GPR39: variants seen among roughly 807,000 people sequenced by gnomAD.
GPR39 encodes the protein G protein-coupled receptor 39.
A neutral mutation model predicts 18.4 loss-of-function variants in GPR39; 23 were observed. That is an observed-to-expected ratio of 1.25 (90% CI 0.90 to 1.77). GPR39 has a LOEUF of 1.77. Ranked by LOEUF, GPR39 falls within the 40% of genes most tolerant of loss-of-function variation. GPR39 has a pLI of 0.00. For synonymous variants in GPR39, 280 were observed against 257.9 expected (o/e 1.09, Z -0.82); for missense variants, 647 against 602.4 (o/e 1.07, Z -0.78).
At position 132,570,008 on chromosome 2, in the gene GPR39, T is replaced by C. The variant is rs115937525; in HGVS notation, c.857-75093T>C. On this transcript the variant is annotated intron_variant, in intron 1 of 1. Coordinates refer to ENST00000329321, the MANE Select transcript of GPR39 (RefSeq NM_001508.3). ...GTCTCGGGTTTGTCTTTAAGGGCAG[T>C]GGGAAAGCGGACTACGAAACCGACC... Among the ~76,000 whole-genome samples, 887 of 152,252 alleles carry C rather than the reference T, an allele frequency of 5.8e-3. 8 individuals are homozygous for C. Among genetic ancestry groups the C allele is most frequent in the African/African-American group, 0.02 (834 of 41,554 alleles).
At position 132,469,809 on chromosome 2, in the gene GPR39, G is replaced by A. The variant is rs188853602; in HGVS notation, c.856+51911G>A. Among the ~76,000 whole-genome samples the A allele has an allele frequency of 6.0e-4, 91 of 152,264 alleles. 1 individual carries two copies. The highest frequency in any genetic ancestry group is 2.1e-3 in the African/African-American group (88 of 41,546). On this transcript the variant is annotated intron_variant, in intron 1 of 1. Coordinates refer to ENST00000329321, the MANE Select transcript of GPR39 (RefSeq NM_001508.3). ...CTACCTCACTTACATGCTGGCTGGT[G>A]GGGTTGAGGTGGCCCCATGCAACTT... is the stretch of plus-strand genomic sequence containing the variant.
At position 132,645,284 on chromosome 2, in the gene GPR39, C is replaced by T. The variant is rs140279287; in HGVS notation, c.1040C>T (p.Ser347Phe). 3.1e-6 allele frequency: 5 copies of T among 1,614,246 alleles called. No individual in the cohort carries two copies. Among genetic ancestry groups the T allele is most frequent in the African/African-American group, 1.3e-5 (1 of 75,070 alleles). The change falls in exon 2 of 2, where the codon TCC (serine) becomes TTC (phenylalanine). Residue 347 changes from serine to phenylalanine, a missense_variant. Physicochemically the swap from Ser to Phe is radical, Grantham distance 155 (BLOSUM62 -2). Around this residue, in one of 3 missense-constraint regions of GPR39, gnomAD observed 581 missense variants for 506.8 expected, o/e 1.15. Coordinates refer to ENST00000329321, the MANE Select transcript of GPR39 (RefSeq NM_001508.3). The stretch of plus-strand genomic sequence containing the variant: ...ATCAACCCGCTCCTGTACACGGTGT[C>T]CTCGCAGCAGTTTCGGCGGGTGTTC... Reference protein sequence around the residue: ...SVINPLLYTVSSQQFRRVFVQ... With the variant: ...SVINPLLYTVFSQQFRRVFVQ...
At chr2:132,471,272 C>G (rs4954330) in intron 1 of GPR39, among the ~76,000 whole-genome samples, 142,211 of 152,174 alleles carry the variant, frequency 0.93, 67,223 homozygotes, top group Non-Finnish European at 1. Flanking sequence ...GAAGAGAGAA[C>G]AATTTATTTG....
intron 1 of GPR39, chr2:132,418,549 C>A (rs2104751035): frequency 1.3e-5 from 2 of 152,330 alleles, no homozygotes; most frequent in South Asian, 2.1e-4. Flanking sequence ...GCAGGACGGC[C>A]TGTTTATCTG....
At chr2:132,568,361 A>G (rs1368958647) in intron 1 of GPR39, among the ~76,000 whole-genome samples, 2 of 151,996 alleles carry the variant, frequency 1.3e-5, no homozygotes, top group Admixed American at 6.6e-5. Context: ...GAGTGGATAT[A>G]CCAGAGGACA....
chr2:132,473,704 A>G (rs968655294), intron 1 of GPR39, among the ~76,000 whole-genome samples: 2 of 152,238 alleles, frequency 1.3e-5, no homozygotes, highest in African/African-American at 2.4e-5. Context: ...GCTTATGGCC[A>G]TCTGCTATGC....
At chr2:132,612,125 G>A (rs181064308) in intron 1 of GPR39, among the ~76,000 whole-genome samples, 44 of 152,258 alleles carry the variant, frequency 2.9e-4, no homozygotes, top group African/African-American at 1.0e-3. Flanking sequence ...TAAACGCTCA[G>A]GCCAGACAAT....
At chr2:132,628,790 C>G (rs1681598153) in intron 1 of GPR39, among the ~76,000 whole-genome samples, 1 of 152,042 alleles carries the variant, frequency 6.6e-6, no homozygotes, top group African/African-American at 2.4e-5. Flanking sequence ...TTTGTGCAAT[C>G]AATTCTAGTT....
In GPR39 at chr2:132,434,439, G is replaced by T. The variant is rs538389128; in HGVS notation, c.856+16541G>T. ...CTTGAAGTCAGGAGGTACCTTACCAGTAAGGAACTGCCTTTTAAAATTCTT... is the reference window on the plus strand; with the variant it reads ...CTTGAAGTCAGGAGGTACCTTACCATTAAGGAACTGCCTTTTAAAATTCTT... On this transcript the variant is annotated intron_variant, in intron 1 of 1. Coordinates refer to ENST00000329321, the MANE Select transcript of GPR39 (RefSeq NM_001508.3). 1.1e-4 allele frequency among the ~76,000 whole-genome samples: 16 copies of T among 152,284 alleles called. No individual in the cohort carries two copies. The East Asian group carries it at 3.1e-3, about 29-fold the overall frequency.
chr2:132,610,798 AG>A (rs1408494132), intron 1 of GPR39, among the ~76,000 whole-genome samples: 131 of 139,230 alleles, frequency 9.4e-4, no homozygotes, highest in Non-Finnish European at 1.5e-3. Flanking sequence ...AAAAAAAAAA[AG>A]AAGAAGAAAT....
intron 1 of GPR39, among the ~76,000 whole-genome samples, chr2:132,434,490 AC>A (rs1558797723): frequency 6.6e-6 from 1 of 152,164 alleles, no homozygotes; most frequent in Non-Finnish European, 1.5e-5. Flanking sequence ...GCCCTTGGCC[AC>A]TCAGAGCCCC....
intron 1 of GPR39, among the ~76,000 whole-genome samples, chr2:132,629,044 G>A (rs899396468): frequency 2.6e-5 from 4 of 152,166 alleles, no homozygotes; most frequent in African/African-American, 9.7e-5. Context: ...GCCCTTCCCA[G>A]AGGAGAGGAT....
At chr2:132,517,257 G>A (rs1229953975) in intron 1 of GPR39, among the ~76,000 whole-genome samples, 1 of 152,044 alleles carries the variant, frequency 6.6e-6, no homozygotes, top group Non-Finnish European at 1.5e-5. Flanking sequence ...AACTATGAAA[G>A]AGTATACAGG....
intron 1 of GPR39, among the ~76,000 whole-genome samples, chr2:132,538,179 G>A (rs535905220): frequency 2.6e-5 from 4 of 152,120 alleles, no homozygotes; most frequent in Non-Finnish European, 5.9e-5. Context: ...TCATCATCAT[G>A]GATTTATCTA....
At chr2:132,595,361 T>A (rs78034713) in intron 1 of GPR39, among the ~76,000 whole-genome samples, 17,161 of 152,100 alleles carry the variant, frequency 0.11, 1,406 homozygotes, top group East Asian at 0.42. Context: ...AGCACATACC[T>A]CATGCAGTTA....
At chr2:132,453,443 T>C (rs906003834) in intron 1 of GPR39, among the ~76,000 whole-genome samples, 1 of 152,234 alleles carries the variant, frequency 6.6e-6, no homozygotes, top group Non-Finnish European at 1.5e-5. Flanking sequence ...CTGTTCACTC[T>C]GACAGTAGTT....
At chr2:132,556,407 C>G (rs1480507904) in intron 1 of GPR39, among the ~76,000 whole-genome samples, 3 of 152,132 alleles carry the variant, frequency 2.0e-5, no homozygotes, top group African/African-American at 4.8e-5. Context: ...ACAAAAATTC[C>G]TATTTCACAG....
rs72841227 is a variant in GPR39 at position 132,584,806 on chromosome 2, G to A, written c.857-60295G>A. Among the ~76,000 whole-genome samples the A allele has an allele frequency of 6.3e-3, 955 of 152,272 alleles. 3 individuals carry two copies. Among genetic ancestry groups the A allele is most frequent in the Non-Finnish European group, 0.011 (736 of 68,010 alleles). ...GTCTATTAGACGATTACCAGTGTTC[G>A]CTCCCCCAAACTGGAATAAGCCTCT... On this transcript the variant is annotated intron_variant, in intron 1 of 1. Coordinates refer to ENST00000329321, the MANE Select transcript of GPR39 (RefSeq NM_001508.3).
chr2:132,595,781 C>T (rs963010962), intron 1 of GPR39, among the ~76,000 whole-genome samples: 21 of 152,130 alleles, frequency 1.4e-4, no homozygotes, highest in Admixed American at 1.1e-3. Context: ...TCATGAGAAC[C>T]AGCGCAGCAG....
Sources: allele counts gnomAD v4.1 joint callset (sites outside exome capture counted in the v4.1 genomes callset), GRCh38; gene constraint gnomAD v4.1.1; regional missense constraint gnomAD v4.1.1; transcripts MANE v1.5; gene names NCBI Gene and HGNC (gene_info 2026-07-23, HGNC 2026-07-21).